The following ADGRG5 variants were observed in gnomAD, a reference collection of about 807,000 sequenced individuals.
ADGRG5 encodes the protein adhesion G protein-coupled receptor G5.
A neutral mutation model predicts 53.2 loss-of-function variants in ADGRG5; 37 were observed. The observed-to-expected ratio is 0.70, with a 90% confidence interval of 0.53 to 0.91. The LOEUF is 0.91. Among genes scored for constraint, ADGRG5 ranks in the 40% least tolerant of loss-of-function variants. The pLI is 0.00. For synonymous variants in ADGRG5, 277 were observed against 290.4 expected (o/e 0.95, Z 0.47); for missense variants, 614 against 675.8 (o/e 0.91, Z 1.01).
the ADGRG5 span, among the ~76,000 whole-genome samples, chr16:57,534,975 C>T: frequency 6.6e-6 from 1 of 152,188 alleles, no homozygotes; most frequent in Admixed American, 6.5e-5. Context: ...GGACAGGGGC[C>T]AGCTGAAGGG....
chr16:57,558,051 A>T (rs535413948), intron 1 of ADGRG5, among the ~76,000 whole-genome samples: 3 of 152,356 alleles, frequency 2.0e-5, no homozygotes, highest in African/African-American at 7.2e-5. Flanking sequence ...TTATGCCTAG[A>T]AATTGGAATA....
chr16:57,555,921 A>C (rs1459506365), intron 1 of ADGRG5, among the ~76,000 whole-genome samples: 1 of 152,080 alleles, frequency 6.6e-6, no homozygotes, highest in Non-Finnish European at 1.5e-5. Context: ...GAGTTCTCAG[A>C]AGATCTGATG....
intron 1 of ADGRG5, among the ~76,000 whole-genome samples, chr16:57,557,762 A>G (rs1270663106): frequency 6.6e-6 from 1 of 152,242 alleles, no homozygotes; most frequent in Non-Finnish European, 1.5e-5. Context: ...TAATAAACCC[A>G]TTAAAGGAAT....
chr16:57,574,793 G>T lies in ADGRG5; in HGVS notation c.1209-22G>T. The T allele has an allele frequency of 6.5e-7, 1 of 1,544,750 alleles. No homozygotes were observed. Among genetic ancestry groups the T allele is most frequent in the South Asian group, 1.2e-5 (1 of 81,012 alleles). Reference sequence around the variant, plus strand: ...CGGGCCTGGGAGCCACTGTGAGCCTGACACGTCACCCTCCCCTGCAGATGC... The same window carrying T: ...CGGGCCTGGGAGCCACTGTGAGCCTTACACGTCACCCTCCCCTGCAGATGC... On this transcript the variant is annotated intron_variant, in intron 10 of 11. Coordinates refer to ENST00000349457, the MANE Select transcript of ADGRG5 (RefSeq NM_001304376.3). The surrounding 1 kb of genome is among the most constrained non-coding windows in gnomAD (Gnocchi z 4.4).
At chr16:57,556,620 G>T (rs1224173832) in intron 1 of ADGRG5, among the ~76,000 whole-genome samples, 1 of 152,128 alleles carries the variant, frequency 6.6e-6, no homozygotes, top group Admixed American at 6.5e-5. Context: ...TGCCTGTCGT[G>T]CTATTTTTGT....
intron 1 of ADGRG5, among the ~76,000 whole-genome samples, chr16:57,548,282 G>T (rs1004336921): frequency 2.0e-5 from 3 of 151,462 alleles, no homozygotes; most frequent in Non-Finnish European, 4.4e-5. Flanking sequence ...TGCACAGAAG[G>T]TTGCAAAAAA....
At chr16:57,568,245 G>C in intron 9 of ADGRG5, 121 bp downstream of exon 9, 2 of 967,450 alleles carry the variant, frequency 2.1e-6, no homozygotes, top group East Asian at 4.9e-5. Context: ...ACCACCAGCT[G>C]TGAACTCTGT....
intron 1 of ADGRG5, among the ~76,000 whole-genome samples, chr16:57,557,322 G>A (rs1202990000): frequency 8.5e-5 from 13 of 152,190 alleles, no homozygotes; most frequent in Admixed American, 4.6e-4. Flanking sequence ...CTGATAAGAA[G>A]TCTCTTGTAG....
chr16:57,559,744 TA>T (rs77775175), intron 1 of ADGRG5, among the ~76,000 whole-genome samples: 423 of 141,664 alleles, frequency 3.0e-3, no homozygotes, highest in Non-Finnish European at 2.7e-3. Context: ...TCCAGTAGGC[TA>T]AAAAAAAAAA....
chr16:57,567,871 C>T lies in ADGRG5; in HGVS notation c.837C>T (p.Ser279=), dbSNP rs745544846. The change falls in exon 9 of 12, where the codon TCC becomes TCT. Residue 279 remains serine, a synonymous_variant. Transcript: ENST00000349457. ...TCACCTGCAGGAAGCAGAGTGACTC[C>T]TTAACACGCATCCACATGAACCTGC... ...LHFHFRKQSD[S]LTRIHMNLHA... 12 of 1,610,878 alleles carry T rather than the reference C, an allele frequency of 7.4e-6. No homozygotes were observed. Among genetic ancestry groups the T allele is most frequent in the Non-Finnish European group, 9.3e-6 (11 of 1,179,742 alleles).
At chr16:57,531,951 G>T in the ADGRG5 span, among the ~76,000 whole-genome samples, 4 of 152,164 alleles carry the variant, frequency 2.6e-5, no homozygotes, top group African/African-American at 9.7e-5. Flanking sequence ...AGGTTCCTCC[G>T]TGCTGCTCAG....
chr16:57,556,033 TC>T (rs2032874894), intron 1 of ADGRG5, among the ~76,000 whole-genome samples: 2 of 152,184 alleles, frequency 1.3e-5, no homozygotes, highest in African/African-American at 4.8e-5. Context: ...ATTGTAAGTT[TC>T]CTAAGGTCTC....
At chr16:57,569,945 G>C (rs1199656447) in intron 9 of ADGRG5, among the ~76,000 whole-genome samples, 1 of 145,556 alleles carries the variant, frequency 6.9e-6, no homozygotes, top group African/African-American at 2.6e-5. Flanking sequence ...ACCTCCATCA[G>C]CACCATCATC....
chr16:57,556,829 A>G (rs1269563128), intron 1 of ADGRG5, among the ~76,000 whole-genome samples: 1 of 149,788 alleles, frequency 6.7e-6, no homozygotes, highest in Non-Finnish European at 1.5e-5. Flanking sequence ...TTTCTTCAAT[A>G]TTTATTTTAG....
intron 3 of ADGRG5, 102 bp downstream of exon 3, chr16:57,562,561 T>C (rs1056189200): frequency 2.7e-6 from 2 of 737,244 alleles, no homozygotes; most frequent in Admixed American, 2.7e-5. Flanking sequence ...AGCACTTTTA[T>C]TGAGCACCTA....
upstream of ADGRG5, among the ~76,000 whole-genome samples, chr16:57,540,554 G>A (rs1450169587): frequency 6.6e-6 from 1 of 152,078 alleles, no homozygotes; most frequent in African/African-American, 2.4e-5. Flanking sequence ...GCAGGAGGCA[G>A]AGAAGCCTTC....
chr16:57,534,832 G>C, the ADGRG5 span, among the ~76,000 whole-genome samples: 2,654 of 152,278 alleles, frequency 0.017, 76 homozygotes, highest in African/African-American at 0.062. Flanking sequence ...GTCATCTCAC[G>C]GCCAAGTCGG....
the ADGRG5 span, among the ~76,000 whole-genome samples, chr16:57,535,834 C>G: frequency 6.6e-6 from 1 of 152,174 alleles, no homozygotes; most frequent in East Asian, 1.9e-4. Flanking sequence ...GCAGACCTCC[C>G]GAACCCAAAC....
chr16:57,554,663 A>T lies in ADGRG5; in HGVS notation c.-38-7393A>T, dbSNP rs571258677. ...AGTGCTGGGATTACAGGTGTGAGCC[A>T]CCACGCTCGGCCATAATTTTATCTT... is the stretch of plus-strand genomic sequence containing the variant. On this transcript the variant is annotated intron_variant, in intron 1 of 11. Transcript: ENST00000349457. 3.3e-5 allele frequency among the ~76,000 whole-genome samples: 5 copies of T among 152,310 alleles called. No individual in the cohort carries two copies. The East Asian group carries it at 9.6e-4, about 29-fold the overall frequency.
Sources: allele counts gnomAD v4.1 joint callset (sites outside exome capture counted in the v4.1 genomes callset), GRCh38; gene constraint gnomAD v4.1.1; non-coding constraint Gnocchi (gnomAD v3.1); transcripts MANE v1.5; gene names NCBI Gene and HGNC (gene_info 2026-07-23, HGNC 2026-07-21).